RBFOX1: variants seen among roughly 807,000 people sequenced by gnomAD.
RBFOX1 encodes the protein RNA binding fox-1 homolog 1, also known as RNA binding protein fox-1 homolog 1.
In RBFOX1, 8 loss-of-function variants were observed where a neutral mutation model predicts 57.7. The observed-to-expected ratio is 0.14, with a 90% CI of 0.08 to 0.25. The LOEUF is 0.25. RBFOX1 is among the 10% of genes least tolerant of loss of function. The probability of loss-of-function intolerance (pLI) is 1.00; values close to 1 mark genes in which losing one functional copy is unlikely to be tolerated. For synonymous variants in RBFOX1, 326 were observed against 222.4 expected, an observed-to-expected ratio of 1.47 and a Z score of -4.15; for missense variants, 611 against 548.5, an observed-to-expected ratio of 1.11 and a Z score of -1.14.
intron 2 of RBFOX1, among the ~76,000 whole-genome samples, chr16:5,523,641 A>T (rs1348534480): frequency 6.6e-6 from 1 of 152,144 alleles, no homozygotes; most frequent in East Asian, 1.9e-4. Context: ...ACAAACAAAC[A>T]AACAGAAACA....
intron 4 of RBFOX1, among the ~76,000 whole-genome samples, chr16:7,317,494 G>GACCATC (rs1212301471): frequency 6.6e-6 from 1 of 152,050 alleles, no homozygotes; most frequent in Non-Finnish European, 1.5e-5. Flanking sequence ...TCGCCATTAG[G>GACCATC]ACCATCACCA....
At chr16:6,353,544 C>T (rs1375544679) in intron 2 of RBFOX1, among the ~76,000 whole-genome samples, 1 of 152,010 alleles carries the variant, frequency 6.6e-6, no homozygotes, top group Non-Finnish European at 1.5e-5. Flanking sequence ...GGAGACTTTG[C>T]TGGACCTAGA....
At chr16:6,955,965 C>T (rs188714904) in intron 3 of RBFOX1, among the ~76,000 whole-genome samples, 19 of 151,480 alleles carry the variant, frequency 1.3e-4, no homozygotes, top group Admixed American at 3.3e-4. Context: ...CTTGGCCTCC[C>T]GAAGTGCTGG....
chr16:5,728,346 A>G (rs1489419949), intron 3 of RBFOX1, among the ~76,000 whole-genome samples: 10 of 152,188 alleles, frequency 6.6e-5, no homozygotes, highest in Admixed American at 6.5e-4. Context: ...CTATTGTCAA[A>G]AGCTCTTAAG....
At chr16:6,439,068 G>T (rs2094310339) in intron 2 of RBFOX1, among the ~76,000 whole-genome samples, 1 of 152,128 alleles carries the variant, frequency 6.6e-6, no homozygotes, top group African/African-American at 2.4e-5. Context: ...AATCAATCTA[G>T]CCTGTTTTTG....
intron 5 of RBFOX1, among the ~76,000 whole-genome samples, chr16:7,546,372 A>G (rs1392649738): frequency 6.8e-5 from 4 of 58,790 alleles, no homozygotes; most frequent in Non-Finnish European, 1.8e-4. Context: ...ATAAAATAAA[A>G]TAAAATAATA....
At chr16:6,863,365 A>G (rs1024290325) in intron 3 of RBFOX1, among the ~76,000 whole-genome samples, 4 of 152,104 alleles carry the variant, frequency 2.6e-5, no homozygotes, top group African/African-American at 4.8e-5. Flanking sequence ...GTGACTCACT[A>G]ATCTTCAAGA....
chr16:6,599,330 C>G (rs951350985), intron 2 of RBFOX1, among the ~76,000 whole-genome samples: 2 of 152,092 alleles, frequency 1.3e-5, no homozygotes, highest in Non-Finnish European at 2.9e-5. Flanking sequence ...CAGGGGTCCT[C>G]TAATGGTTGT....
intron 1 of RBFOX1, among the ~76,000 whole-genome samples, chr16:6,233,417 G>A (rs1421032102): frequency 2.0e-5 from 3 of 151,892 alleles, no homozygotes; most frequent in South Asian, 2.1e-4. Context: ...CACCCCACTC[G>A]TCCCCACCTC....
chr16:5,748,522 G>C (rs1277687938), intron 3 of RBFOX1, among the ~76,000 whole-genome samples: 3 of 152,092 alleles, frequency 2.0e-5, no homozygotes, highest in Non-Finnish European at 2.9e-5. Context: ...TCTCTTTGTA[G>C]GTCTCTAAGG....
At chr16:7,648,711 G>A (rs918315856) in intron 11 of RBFOX1, among the ~76,000 whole-genome samples, 2 of 152,172 alleles carry the variant, frequency 1.3e-5, no homozygotes, top group African/African-American at 2.4e-5. Context: ...GAGATGTGAT[G>A]AAGACCCTTT....
chr16:7,613,723 C>G (rs1461330064), intron 10 of RBFOX1, among the ~76,000 whole-genome samples: 1 of 151,912 alleles, frequency 6.6e-6, no homozygotes, highest in Non-Finnish European at 1.5e-5. Flanking sequence ...ACATTTTTTC[C>G]TCCCACTTCC....
intron 4 of RBFOX1, among the ~76,000 whole-genome samples, chr16:7,421,123 C>T (rs1318015232): frequency 1.3e-5 from 2 of 151,692 alleles, no homozygotes; most frequent in Non-Finnish European, 2.9e-5. Context: ...ACAGGTTGGG[C>T]CAAGGTGGAG....
intron 4 of RBFOX1, among the ~76,000 whole-genome samples, chr16:5,926,982 C>A (rs2058952363): frequency 6.6e-6 from 1 of 152,138 alleles, no homozygotes; most frequent in Non-Finnish European, 1.5e-5. Flanking sequence ...CAGTCTTAGC[C>A]ATCAAACCAG....
chr16:7,265,536 C>A (rs1409539546), intron 4 of RBFOX1, among the ~76,000 whole-genome samples: 4 of 152,078 alleles, frequency 2.6e-5, no homozygotes, highest in Non-Finnish European at 5.9e-5. Context: ...GTAACCTCCG[C>A]CTCCCGTGTT....
At chr16:7,195,300 A>G (rs1188449787) in intron 4 of RBFOX1, among the ~76,000 whole-genome samples, 3 of 152,168 alleles carry the variant, frequency 2.0e-5, no homozygotes, top group African/African-American at 7.2e-5. Flanking sequence ...CTTGCAAAAT[A>G]AGGCTTCTTG....
intron 3 of RBFOX1, among the ~76,000 whole-genome samples, chr16:6,691,467 AT>A (rs34771627): frequency 6.6e-6 from 1 of 151,506 alleles, no homozygotes; most frequent in East Asian, 1.9e-4. Flanking sequence ...CTTTTTCTTT[AT>A]TTTTTTTGTG....
chr16:6,543,252 C>T (rs934569803), intron 2 of RBFOX1, among the ~76,000 whole-genome samples: 2 of 152,106 alleles, frequency 1.3e-5, no homozygotes, highest in Non-Finnish European at 2.9e-5. Context: ...TCCTCCATGC[C>T]ACCGTTAGCT....
intron 11 of RBFOX1, among the ~76,000 whole-genome samples, chr16:7,648,929 G>A (rs370484255): frequency 2.0e-5 from 3 of 152,070 alleles, no homozygotes; most frequent in South Asian, 4.1e-4. Context: ...TACTTTTTCC[G>A]AGACAGTGAA....
Sources: gnomAD v4.1 joint callset for allele counts (sites outside exome capture counted in the v4.1 genomes callset) on GRCh38, gnomAD v4.1.1 for gene constraint, MANE v1.5 for transcripts, NCBI Gene and HGNC (gene_info 2026-07-23, HGNC 2026-07-21) for gene names.